DYNC1LI1: variants seen among roughly 807,000 people sequenced by gnomAD.
DYNC1LI1 encodes dynein cytoplasmic 1 light intermediate chain 1, also known as cytoplasmic dynein 1 light intermediate chain 1.
In DYNC1LI1, 19 loss-of-function variants were observed where a neutral mutation model predicts 63.8. The ratio of observed to expected loss-of-function variants is 0.30; its 90% confidence interval spans 0.21 to 0.44. The LOEUF is 0.44. DYNC1LI1 is among the 20% of genes least tolerant of loss of function. DYNC1LI1 has a pLI of 1.00. For missense variants in DYNC1LI1, 565 were observed against 630.2 expected, an observed-to-expected ratio of 0.90 and a Z score of 1.11; for synonymous variants, 225 against 232.3, an observed-to-expected ratio of 0.97 and a Z score of 0.28.
At chr3:32,527,131 C>T (rs1282725669) in intron 12 of DYNC1LI1, among the ~76,000 whole-genome samples, 3 of 152,094 alleles carry the variant, frequency 2.0e-5, no homozygotes, top group Non-Finnish European at 1.5e-5. Context: ...CACTTCAAGT[C>T]AGGAGTTCGA....
intron 2 of DYNC1LI1, among the ~76,000 whole-genome samples, chr3:32,553,758 T>C (rs1190547919): frequency 6.6e-6 from 1 of 152,202 alleles, no homozygotes; most frequent in Non-Finnish European, 1.5e-5. Flanking sequence ...TATCTCCCAT[T>C]TGGCAGGTAG....
chr3:32,544,796 T>A lies in DYNC1LI1; in HGVS notation c.568+80A>T, dbSNP rs182827888. 3.3e-3 allele frequency: 3,362 copies of A among 1,007,920 alleles called. 82 individuals are homozygous for A. In the African/African-American group the frequency reaches 0.05, roughly 15 times the overall value. The allele number at this position is 1,007,920 out of a possible 1,614,324, so 62.4% of individuals were successfully genotyped here. A position where few individuals can be genotyped will look rare whatever the true frequency, so the allele number is the denominator to read the frequency against. ...TGCTTACTTCATTAAACCTTTTTTA[T>A]AGTCAAAAATTCCTAATGATTAAAG... On this transcript the variant is annotated intron_variant, in intron 4 of 12. Coordinates refer to ENST00000273130, the MANE Select transcript of DYNC1LI1 (RefSeq NM_016141.4).
intron 2 of DYNC1LI1, among the ~76,000 whole-genome samples, chr3:32,557,217 G>A (rs750864958): frequency 7.2e-5 from 11 of 152,060 alleles, no homozygotes; most frequent in African/African-American, 1.7e-4. Context: ...ACACTGATAC[G>A]TTTAAAAATC....
intron 2 of DYNC1LI1, chr3:32,570,066 G>T: frequency 3.5e-6 from 2 of 565,592 alleles, no homozygotes; most frequent in South Asian, 2.0e-5. Flanking sequence ...TCCCTCAGAT[G>T]AGCGATCGAA....
Position 32,532,807 on chromosome 3 carries a change from T to C in DYNC1LI1, c.1080+179A>G, listed in dbSNP as rs1418535814. ...TTTAATTAGCTGAATAGCTGATTTC[T>C]ATTTTGCTAAAACAAATCCTTATGT... On this transcript the variant is annotated intron_variant, in intron 8 of 12. Transcript: ENST00000273130. 3.2e-5 allele frequency: 36 copies of C among 1,124,908 alleles called. 1 individual carries two copies. The highest frequency in any genetic ancestry group is 4.1e-5 in the Non-Finnish European group (36 of 868,222). 69.7% of individuals were successfully genotyped at this position (1,124,908 alleles called of 1,614,324 possible). A position where few individuals can be genotyped will look rare whatever the true frequency, so the allele number is the denominator to read the frequency against.
intron 2 of DYNC1LI1, among the ~76,000 whole-genome samples, chr3:32,555,537 ATG>A (rs1344629520): frequency 6.6e-6 from 1 of 152,156 alleles, no homozygotes; most frequent in Non-Finnish European, 1.5e-5. Context: ...TTCTCTTTTC[ATG>A]TCTTTAGGCA....
intron 12 of DYNC1LI1, among the ~76,000 whole-genome samples, chr3:32,528,112 C>CA (rs60912161): frequency 0.023 from 677 of 29,866 alleles, 91 homozygotes; most frequent in Non-Finnish European, 0.039. Flanking sequence ...GACTCCATCT[C>CA]AAAAAAAAAA....
chr3:32,530,808 T>G (rs1034532493), intron 8 of DYNC1LI1: 1 of 313,956 alleles, frequency 3.2e-6, no homozygotes, highest in Non-Finnish European at 5.9e-6. Context: ...ACTAAGGAAA[T>G]GATTTTTAAT....
At chr3:32,536,350 G>A (rs543391304) in intron 6 of DYNC1LI1, among the ~76,000 whole-genome samples, 12 of 152,226 alleles carry the variant, frequency 7.9e-5, no homozygotes, top group African/African-American at 2.4e-4. Flanking sequence ...ACTCTTCAGT[G>A]CATTCAAGGT....
At chr3:32,562,741 T>C (rs1698210074) in intron 2 of DYNC1LI1, among the ~76,000 whole-genome samples, 1 of 152,200 alleles carries the variant, frequency 6.6e-6, no homozygotes, top group Non-Finnish European at 1.5e-5. Flanking sequence ...TTAGACATAA[T>C]TTCTTTTGGT....
chr3:32,534,221 T>C (rs944275359), intron 7 of DYNC1LI1, among the ~76,000 whole-genome samples: 7 of 152,190 alleles, frequency 4.6e-5, no homozygotes, highest in Non-Finnish European at 7.4e-5. Flanking sequence ...TGGTCATTTA[T>C]GTATCATAAT....
At chr3:32,546,974 G>T (rs1697964202) in intron 2 of DYNC1LI1, among the ~76,000 whole-genome samples, 1 of 152,192 alleles carries the variant, frequency 6.6e-6, no homozygotes, top group Non-Finnish European at 1.5e-5. Context: ...GCCAGGCGCG[G>T]TGGCTCACGC....
intron 2 of DYNC1LI1, among the ~76,000 whole-genome samples, chr3:32,567,531 T>TTA (rs1698283753): frequency 3.4e-5 from 5 of 148,024 alleles, no homozygotes; most frequent in African/African-American, 1.0e-4. Flanking sequence ...TTTTATTTTA[T>TTA]TTATTATTAT....
intron 4 of DYNC1LI1, among the ~76,000 whole-genome samples, 155 bp from the exon 5 acceptor site, chr3:32,541,361 A>T (rs975718124): frequency 6.6e-6 from 1 of 152,216 alleles, no homozygotes; most frequent in Non-Finnish European, 1.5e-5. Flanking sequence ...CAAAGAGAAT[A>T]TACAAACACT....
At chr3:32,531,499 T>G (rs993666780) in intron 8 of DYNC1LI1, 7 of 152,238 alleles carry the variant, frequency 4.6e-5, no homozygotes, top group African/African-American at 1.7e-4. Context: ...TGTCTATGTA[T>G]TGGTTTACTA....
chr3:32,569,372 T>A (rs1335136229), intron 2 of DYNC1LI1, among the ~76,000 whole-genome samples: 1 of 152,236 alleles, frequency 6.6e-6, no homozygotes, highest in African/African-American at 2.4e-5. Context: ...ATTTTTTCTA[T>A]GTAAACATTC....
chr3:32,543,847 T>A (rs111347667), intron 4 of DYNC1LI1, among the ~76,000 whole-genome samples: 390 of 151,388 alleles, frequency 2.6e-3, no homozygotes, highest in African/African-American at 9.0e-3. Flanking sequence ...GGTGGATCGC[T>A]TGAGCTCAGG....
chr3:32,539,777 C>T (rs1045992000), intron 5 of DYNC1LI1, among the ~76,000 whole-genome samples: 13 of 151,442 alleles, frequency 8.6e-5, no homozygotes, highest in Admixed American at 3.3e-4. Flanking sequence ...TCTCATGATC[C>T]GCCCACCTCG....
chr3:32,540,104 C>T (rs1344151666), intron 5 of DYNC1LI1, among the ~76,000 whole-genome samples: 3 of 151,728 alleles, frequency 2.0e-5, no homozygotes, highest in Non-Finnish European at 2.9e-5. Flanking sequence ...CTCCTGACCT[C>T]GTGATCCACC....
Sources: gnomAD v4.1 joint callset for allele counts (sites outside exome capture counted in the v4.1 genomes callset) on GRCh38, gnomAD v4.1.1 for gene constraint, MANE v1.5 for transcripts, NCBI Gene and HGNC (gene_info 2026-07-23, HGNC 2026-07-21) for gene names.